Variants in PCDHGA9 observed in about 807,000 individuals in gnomAD.
PCDHGA9 encodes protocadherin gamma subfamily A, 9, also known as protocadherin gamma-A9.
In PCDHGA9, 37 loss-of-function variants were observed where a neutral mutation model predicts 62.5. That is an observed-to-expected ratio of 0.59 (90% CI 0.46 to 0.78). PCDHGA9 has a LOEUF of 0.78. Ranked by LOEUF, PCDHGA9 falls within the 30% of genes least tolerant of loss-of-function variation. PCDHGA9 has a pLI of 0.00. For synonymous variants in PCDHGA9, 459 were observed against 484.6 expected, an observed-to-expected ratio of 0.95 and a Z score of 0.69; for missense variants, 1,138 against 1,166.2, an observed-to-expected ratio of 0.98 and a Z score of 0.35.
intron 1 of PCDHGA9, chr5:141,417,772 C>G: frequency 6.9e-7 from 1 of 1,456,320 alleles, no homozygotes; most frequent in East Asian, 2.5e-5. Context: ...GGGACTCCTC[C>G]TGTCCTGGGC....
intron 1 of PCDHGA9, chr5:141,427,093 G>A (rs1446677593): frequency 2.2e-6 from 1 of 458,122 alleles, no homozygotes. Flanking sequence ...CAGGATGAGG[G>A]TGTCAATGCG....
chr5:141,423,798 A>G (rs551396089), intron 1 of PCDHGA9: 76 of 1,222,390 alleles, frequency 6.2e-5, no homozygotes, highest in Middle Eastern at 4.5e-4. Context: ...TATTTAGAGC[A>G]ATACATGTGA....
rs756761584 is a variant in PCDHGA9 at position 141,476,545 on chromosome 5, G to A, written c.2425-18262G>A. 13 of 1,614,230 alleles carry A rather than the reference G, an allele frequency of 8.1e-6. No homozygotes were observed. The Admixed American group carries it at 2.2e-4, about 27-fold the overall frequency. On this transcript the variant is annotated intron_variant, in intron 1 of 3. Coordinates refer to ENST00000573521, the MANE Select transcript of PCDHGA9 (RefSeq NM_018921.3). This position sits in a 1 kb window ranked among gnomAD's most constrained non-coding sequence, Gnocchi z 7.6. ...TCCCTACCCAGGAAATGAAATTGGA[G>A]ATTAGCGAGGCCGTGGCTCCGGGGA...
Position 141,476,035 on chromosome 5 carries a change from C to A in PCDHGA9, c.2425-18772C>A. On this transcript the variant is annotated intron_variant, in intron 1 of 3. Coordinates refer to ENST00000573521, the MANE Select transcript of PCDHGA9 (RefSeq NM_018921.3). This position sits in a 1 kb window ranked among gnomAD's most constrained non-coding sequence, Gnocchi z 7.6. ...CATGTCGGACTCGGCGCCCAGCGCCCAAGCGCTAACCCGCTGAAAGTTTCT... is the reference window on the plus strand; with the variant it reads ...CATGTCGGACTCGGCGCCCAGCGCCAAAGCGCTAACCCGCTGAAAGTTTCT... The A allele has an allele frequency of 1.4e-6, 2 of 1,466,592 alleles. No individual in the cohort carries two copies. The highest frequency in any genetic ancestry group is 1.8e-6 in the Non-Finnish European group (2 of 1,102,494). 90.8% of individuals were successfully genotyped at this position (1,466,592 alleles called of 1,614,324 possible). A position where few individuals can be genotyped will look rare whatever the true frequency, so the allele number is the denominator to read the frequency against.
intron 1 of PCDHGA9, chr5:141,408,837 T>A: frequency 6.2e-7 from 1 of 1,613,716 alleles, no homozygotes; most frequent in Non-Finnish European, 8.5e-7. Flanking sequence ...AGCTTGATAT[T>A]GACTGCCTTG....
rs1273620361 is a variant in PCDHGA9, at chr5:141,486,809, A to G, written c.2425-7998A>G. 1 of 1,614,106 alleles carries G rather than the reference A, an allele frequency of 6.2e-7. No homozygotes were observed. The highest frequency in any genetic ancestry group is 1.3e-5 in the African/African-American group (1 of 74,936). On this transcript the variant is annotated intron_variant, in intron 1 of 3. Coordinates refer to ENST00000573521, the MANE Select transcript of PCDHGA9 (RefSeq NM_018921.3). This position sits in a 1 kb window ranked among gnomAD's most constrained non-coding sequence, Gnocchi z 5.0. ...CCGGGATCGGGGCAACCCACCCCTT[A>G]GCAGCACTGTAACAGTTCGTCTATT...
chr5:141,489,312 G>A lies in PCDHGA9; in HGVS notation c.2425-5495G>A, dbSNP rs745541067. The A allele has an allele frequency of 2.5e-6, 4 of 1,594,972 alleles. No homozygotes were observed. The highest frequency in any genetic ancestry group is 2.6e-6 in the Non-Finnish European group (3 of 1,169,822). On this transcript the variant is annotated intron_variant, in intron 1 of 3. Transcript: ENST00000573521. This position sits in a 1 kb window ranked among gnomAD's most constrained non-coding sequence, Gnocchi z 4.5. ...TGTGCATGTTGTCCTTGTGCTGCTG[G>A]GGCTGGGTGTCTGGGCAGCTTCGTT...
chr5:141,448,190 C>T (rs1426828578), intron 1 of PCDHGA9, among the ~76,000 whole-genome samples: 1 of 152,118 alleles, frequency 6.6e-6, no homozygotes, highest in Non-Finnish European at 1.5e-5. Flanking sequence ...GTTATGTACA[C>T]TTACAAACAT....
At chr5:141,423,148 C>G (rs2096714622) in intron 1 of PCDHGA9, 1 of 1,613,404 alleles carries the variant, frequency 6.2e-7, no homozygotes, top group African/African-American at 1.3e-5. Flanking sequence ...CGCGCTCAAG[C>G]AGAGCCTCGT....
rs1182148013 is a variant in PCDHGA9, at chr5:141,431,510, G to C, written c.2424+26134G>C. On this transcript the variant is annotated intron_variant, in intron 1 of 3. Transcript: ENST00000573521. This position sits in a 1 kb window ranked among gnomAD's most constrained non-coding sequence, Gnocchi z 4.8. ...TGCTCAGCCCGAGTACCGCGCGAGC[G>C]TTCCGGAGAATCTGGCCTTGGGCAC... 6.2e-7 allele frequency: 1 copy of C among 1,614,022 alleles called. No homozygotes were observed. The highest frequency in any genetic ancestry group is 8.5e-7 in the Non-Finnish European group (1 of 1,180,026).
chr5:141,501,618 T>G (rs1307485559), intron 2 of PCDHGA9, among the ~76,000 whole-genome samples: 2 of 152,068 alleles, frequency 1.3e-5, no homozygotes, highest in African/African-American at 4.8e-5. Flanking sequence ...GTGACTCTGG[T>G]ATAGTCTCTC....
chr5:141,415,915 TGC>T, intron 1 of PCDHGA9: 1 of 724,854 alleles, frequency 1.4e-6, no homozygotes, highest in Non-Finnish European at 1.9e-6. Flanking sequence ...CATACAGAAG[TGC>T]CTGTCAATTT....
intron 2 of PCDHGA9, among the ~76,000 whole-genome samples, chr5:141,499,689 CTTTTTTT>C (rs545067566): frequency 8.3e-6 from 1 of 119,856 alleles, no homozygotes; most frequent in Non-Finnish European, 1.7e-5. Flanking sequence ...TAACAGATGA[CTTTTTTT>C]TTTTTTTTTT....
intron 2 of PCDHGA9, among the ~76,000 whole-genome samples, chr5:141,499,214 C>T (rs1228581603): frequency 6.6e-6 from 1 of 152,074 alleles, no homozygotes; most frequent in Non-Finnish European, 1.5e-5. Flanking sequence ...TAACCCAGGC[C>T]CTGCCCTGCA....
chr5:141,406,415 GC>G (rs2094806009), intron 1 of PCDHGA9, among the ~76,000 whole-genome samples: 1 of 152,164 alleles, frequency 6.6e-6, no homozygotes, highest in Non-Finnish European at 1.5e-5. Flanking sequence ...ACAGCTGAAA[GC>G]CCAGATTTAT....
In PCDHGA9 at chr5:141,413,416, C is replaced by G. The variant is rs893515703; in HGVS notation, c.2424+8040C>G. ...CAGAGGTAGGACGCAGCTTTTCTCT[C>G]TGAACCCGCGCAGCGGCAGCTTGAT... On this transcript the variant is annotated intron_variant, in intron 1 of 3. Transcript: ENST00000573521. 1 of 1,614,100 alleles carries G rather than the reference C, an allele frequency of 6.2e-7. No individual in the cohort carries two copies. Among genetic ancestry groups the G allele is most frequent in the Admixed American group, 1.7e-5 (1 of 60,034 alleles).
chr5:141,414,741 A>C, intron 1 of PCDHGA9: 1 of 1,614,158 alleles, frequency 6.2e-7, no homozygotes. Flanking sequence ...ATGCACTCAG[A>C]TCCTTCGACT....
chr5:141,426,465 T>C, intron 1 of PCDHGA9: 1 of 315,366 alleles, frequency 3.2e-6, no homozygotes, highest in African/African-American at 2.2e-5. Context: ...ATGTTCAGGA[T>C]TTATTGACCT....
chr5:141,430,493 C>G (rs1232369484), intron 1 of PCDHGA9: 1 of 285,344 alleles, frequency 3.5e-6, no homozygotes, highest in African/African-American at 2.2e-5. Flanking sequence ...ACGAAATATC[C>G]TTTCTGGGAG....
Sources: allele counts gnomAD v4.1 joint callset (sites outside exome capture counted in the v4.1 genomes callset), GRCh38; gene constraint gnomAD v4.1.1; non-coding constraint Gnocchi (gnomAD v3.1); transcripts MANE v1.5; gene names NCBI Gene and HGNC (gene_info 2026-07-23, HGNC 2026-07-21).